RDH12: variants seen among roughly 807,000 people sequenced by gnomAD.
RDH12 encodes the protein retinol dehydrogenase 12.
RDH12 carries 21 observed loss-of-function variants against 34.0 expected under a neutral mutation model. The ratio of observed to expected loss-of-function variants is 0.62; its 90% CI spans 0.44 to 0.89. The LOEUF is 0.89. RDH12 is among the 40% of genes least tolerant of loss of function. The pLI, the probability that RDH12 is intolerant of heterozygous loss-of-function variation, is 0.00. For synonymous variants in RDH12, 198 were observed against 169.9 expected (o/e 1.17, Z -1.29); for missense variants, 394 against 398.6 (o/e 0.99, Z 0.10).
In RDH12 at chr14:67,722,649, G is replaced by A. The variant is rs2038137432; in HGVS notation, c.7G>A (p.Val3Ile). ...AGCTACAGAAGTTGGAACGATGCTG[G>A]TCACCTTGGGACTGCTCACCTCCTT... ML[V>I]TLGLLTSFFS... The change falls in exon 3 of 9, where the codon GTC (valine) becomes ATC (isoleucine). Residue 3 changes from valine to isoleucine, a missense_variant. Physicochemically the swap from Val to Ile is conservative, Grantham distance 29. Coordinates refer to ENST00000551171, the MANE Select transcript of RDH12 (RefSeq NM_152443.3). 8 of 1,613,730 alleles carry A rather than the reference G, an allele frequency of 5.0e-6. No individual in the cohort carries two copies. Among genetic ancestry groups the A allele is most frequent in the African/African-American group, 1.3e-5 (1 of 74,932 alleles).
intron 1 of RDH12, among the ~76,000 whole-genome samples, chr14:67,705,322 T>C (rs1018396707): frequency 5.3e-5 from 8 of 152,258 alleles, no homozygotes; most frequent in Non-Finnish European, 1.0e-4. Flanking sequence ...TAACACTTCA[T>C]GATTCAGAAA....
intron 3 of RDH12, 51 bp downstream of exon 3, chr14:67,722,761 G>A: frequency 1.4e-6 from 2 of 1,437,530 alleles, no homozygotes; most frequent in Non-Finnish European, 2.0e-6. Context: ...ACCTGCACTG[G>A]AAGCCGGTTC....
In RDH12 at chr14:67,729,249, G is replaced by A; in HGVS notation, c.717G>A (p.Arg239=). 6.2e-7 allele frequency: 1 copy of A among 1,609,798 alleles called. No individual in the cohort carries two copies. ...GCGTCGTCCGCTCTGAGCTGGTCCG[G>A]CACTCCTCCCTGCTCTGCCTGCTCT... ...HPGVVRSELV[R]HSSLLCLLWR... The change falls in exon 8 of 9, where the codon CGG becomes CGA. Residue 239 remains arginine (R), a synonymous_variant. Coordinates refer to ENST00000551171, the MANE Select transcript of RDH12 (RefSeq NM_152443.3).
At chr14:67,709,189 A>G (rs1198136857) in intron 1 of RDH12, among the ~76,000 whole-genome samples, 11 of 152,228 alleles carry the variant, frequency 7.2e-5, no homozygotes, top group Admixed American at 4.6e-4. Flanking sequence ...AACACTTGAT[A>G]TCACAAAATA....
At chr14:67,709,207 T>C (rs2037983791) in intron 1 of RDH12, among the ~76,000 whole-genome samples, 1 of 152,218 alleles carries the variant, frequency 6.6e-6, no homozygotes, top group African/African-American at 2.4e-5. Context: ...ATAGAATTAA[T>C]AGGTCATTGT....
At chr14:67,709,462 G>C (rs768223710) in intron 1 of RDH12, among the ~76,000 whole-genome samples, 2 of 152,166 alleles carry the variant, frequency 1.3e-5, no homozygotes, top group African/African-American at 2.4e-5. Context: ...GTTGGTTAAT[G>C]CTTCAAGAAA....
Position 67,733,748 on chromosome 14 carries a change from A to G in RDH12, c.851A>G (p.Asp284Gly). 6.2e-7 allele frequency: 1 copy of G among 1,609,936 alleles called. No individual in the cohort carries two copies. Among genetic ancestry groups the G allele is most frequent in the Non-Finnish European group, 8.5e-7 (1 of 1,176,444 alleles). ...LEPLSGKYFS[D>G]CKRTWVSPRA... is the part of the protein sequence containing the mutation. ...TACTGTCTTTCTCTGCCCTCCAGTGACTGCAAGAGGACCTGGGTGTCTCCA... is the reference window on the plus strand; with the variant it reads ...TACTGTCTTTCTCTGCCCTCCAGTGGCTGCAAGAGGACCTGGGTGTCTCCA... Residue 284 changes from aspartate (D) to glycine (G), a missense_variant and splice_region_variant, in exon 9 of 9, where the codon GAC becomes GGC. Coordinates refer to ENST00000551171, the MANE Select transcript of RDH12 (RefSeq NM_152443.3).
chr14:67,705,664 AT>A (rs2140105472), intron 1 of RDH12, among the ~76,000 whole-genome samples: 1 of 152,350 alleles, frequency 6.6e-6, no homozygotes, highest in African/African-American at 2.4e-5. Flanking sequence ...GGTTTTGATC[AT>A]TGTTCTAAGG....
At chr14:67,727,481 T>TG (rs2038203068) in intron 7 of RDH12, 10 of 347,916 alleles carry the variant, frequency 2.9e-5, no homozygotes, top group Non-Finnish European at 3.8e-5. Flanking sequence ...TTTTTGTTTT[T>TG]TTTGTTTTTT....
chr14:67,705,214 A>C (rs1395281954), intron 1 of RDH12, among the ~76,000 whole-genome samples: 1 of 152,164 alleles, frequency 6.6e-6, no homozygotes, highest in East Asian at 1.9e-4. Context: ...TTCATACTGG[A>C]GTTGTCCTTT....
At chr14:67,729,049 T>C (rs1378125333) in intron 7 of RDH12, 142 bp from the exon 8 acceptor site, 2 of 842,390 alleles carry the variant, frequency 2.4e-6, no homozygotes, top group Admixed American at 3.4e-5. Context: ...AAATTCCGCC[T>C]GGCCAGGAGT....
intron 1 of RDH12, among the ~76,000 whole-genome samples, chr14:67,706,604 C>T (rs1039461354): frequency 6.6e-6 from 1 of 152,146 alleles, no homozygotes; most frequent in African/African-American, 2.4e-5. Flanking sequence ...TTCTGTTTAG[C>T]CTTTTCAAAG....
intron 1 of RDH12, among the ~76,000 whole-genome samples, chr14:67,720,577 G>C (rs992397498): frequency 6.6e-6 from 1 of 152,170 alleles, no homozygotes; most frequent in African/African-American, 2.4e-5. Context: ...TAAATCATCT[G>C]TCCCTTCCAC....
chr14:67,724,274 C>T (rs2038158760), intron 3 of RDH12, among the ~76,000 whole-genome samples, 199 bp from the exon 4 acceptor site: 1 of 152,176 alleles, frequency 6.6e-6, no homozygotes, highest in African/African-American at 2.4e-5. Flanking sequence ...GATCTTCCCA[C>T]CTGCACCGAT....
At chr14:67,716,643 G>T (rs2038072073) in intron 1 of RDH12, among the ~76,000 whole-genome samples, 1 of 152,092 alleles carries the variant, frequency 6.6e-6, no homozygotes, top group Admixed American at 6.5e-5. Flanking sequence ...CAGCACTTTG[G>T]GAGGCCAAGG....
chr14:67,729,068 C>G, intron 7 of RDH12, 123 bp from the exon 8 acceptor site: 1 of 1,001,508 alleles, frequency 1.0e-6, no homozygotes. Context: ...GTGGTACCTG[C>G]TGAATCCTGG....
intron 2 of RDH12, among the ~76,000 whole-genome samples, chr14:67,721,477 C>T (rs1407553507): frequency 1.3e-5 from 2 of 152,030 alleles, no homozygotes; most frequent in Non-Finnish European, 2.9e-5. Context: ...GAACTTCTGG[C>T]CTCAAGGGAT....
At chr14:67,732,440 A>G (rs2038292267) in intron 8 of RDH12, among the ~76,000 whole-genome samples, 1 of 151,902 alleles carries the variant, frequency 6.6e-6, no homozygotes, top group Non-Finnish European at 1.5e-5. Flanking sequence ...AAAAAAAAAA[A>G]AAAAATCCTC....
intron 5 of RDH12, 133 bp downstream of exon 5, chr14:67,725,387 C>A (rs751198694): frequency 3.2e-6 from 3 of 924,678 alleles, no homozygotes; most frequent in African/African-American, 1.6e-5. Context: ...CATGAACCAG[C>A]AGGACAGGGA....
Sources: gnomAD v4.1 joint callset for allele counts (sites outside exome capture counted in the v4.1 genomes callset) on GRCh38, gnomAD v4.1.1 for gene constraint, MANE v1.5 for transcripts, NCBI Gene and HGNC (gene_info 2026-07-23, HGNC 2026-07-21) for gene names.